JMJD1C: variants seen among roughly 807,000 people sequenced by gnomAD.
JMJD1C encodes the protein jumonji domain containing 1C.
Under a neutral mutation model 245.3 loss-of-function variants are expected in JMJD1C, and 31 were observed. The observed-to-expected ratio is 0.13, with a 90% CI of 0.09 to 0.17. JMJD1C has a LOEUF of 0.17. JMJD1C is among the 10% of genes least tolerant of loss of function. The pLI is 1.00. For synonymous variants in JMJD1C, 1,057 were observed against 1,017.4 expected, an observed-to-expected ratio of 1.04 and a Z score of -0.74; for missense variants, 2,691 against 3,000.2, an observed-to-expected ratio of 0.90 and a Z score of 2.41.
intron 5 of JMJD1C, among the ~76,000 whole-genome samples, chr10:63,216,233 C>T (rs1413548272): frequency 2.0e-5 from 3 of 152,160 alleles, no homozygotes; most frequent in African/African-American, 4.8e-5. Flanking sequence ...ATTTTAACTA[C>T]ATTTTAACCA....
intron 1 of JMJD1C, among the ~76,000 whole-genome samples, chr10:63,491,853 A>T (rs774891029): frequency 6.6e-6 from 1 of 152,192 alleles, no homozygotes; most frequent in Admixed American, 6.5e-5. Context: ...CTACTACAAC[A>T]CTTCTAGTGG....
In JMJD1C at chr10:63,215,129, T is replaced by C; in HGVS notation, c.1038A>G (p.Lys346=). Residue 346 remains lysine, a synonymous_variant, in exon 8 of 26, where the codon AAA becomes AAG. Transcript: ENST00000399262. The part of the protein sequence containing the change: ...SRGENPKGKN[K]HLMNKRRKPE... ...GTTTCCTTCTTTTATTCATCAAGTGTTTGTTTTTACCTTTAGGATTTTCTG... is the reference window on the plus strand; with the variant it reads ...GTTTCCTTCTTTTATTCATCAAGTGCTTGTTTTTACCTTTAGGATTTTCTG... 6.4e-7 allele frequency: 1 copy of C among 1,566,310 alleles called. No homozygotes were observed. The highest frequency in any genetic ancestry group is 8.6e-7 in the Non-Finnish European group (1 of 1,161,216).
chr10:63,185,424 G>A (rs1448193772), intron 20 of JMJD1C, 139 bp downstream of exon 20: 8 of 663,500 alleles, frequency 1.2e-5, no homozygotes, highest in Admixed American at 3.0e-5. Flanking sequence ...GAGCCACTAT[G>A]ACGCTCAGCC....
chr10:63,409,865 G>A (rs764043680), intron 1 of JMJD1C, among the ~76,000 whole-genome samples: 1 of 152,160 alleles, frequency 6.6e-6, no homozygotes, highest in Admixed American at 6.5e-5. Context: ...CTACTCACTT[G>A]AAAGAGTGTG....
intron 1 of JMJD1C, among the ~76,000 whole-genome samples, chr10:63,446,487 T>A (rs538412821): frequency 1.3e-5 from 2 of 152,212 alleles, no homozygotes; most frequent in African/African-American, 4.8e-5. Context: ...AGCATATAGA[T>A]GGTATTAAAG....
chr10:63,415,489 T>C (rs1949747246), intron 1 of JMJD1C, among the ~76,000 whole-genome samples: 1 of 152,202 alleles, frequency 6.6e-6, no homozygotes, highest in Non-Finnish European at 1.5e-5. Context: ...TCATGTGGAT[T>C]CAGCAAAACT....
At chr10:63,222,766 T>C (rs983624575) in intron 3 of JMJD1C, 20 of 1,494,030 alleles carry the variant, frequency 1.3e-5, no homozygotes, top group Non-Finnish European at 1.8e-5. Context: ...AAACTGAAAC[T>C]AATTTGGAAG....
At chr10:63,354,832 T>C (rs900145687) in intron 2 of JMJD1C, among the ~76,000 whole-genome samples, 12 of 137,132 alleles carry the variant, frequency 8.8e-5, no homozygotes, top group Admixed American at 3.3e-4. Context: ...ATGGGCAACA[T>C]GGTGAGATCC....
chr10:63,390,370 G>A (rs976013224), intron 1 of JMJD1C, among the ~76,000 whole-genome samples: 1 of 152,024 alleles, frequency 6.6e-6, no homozygotes, highest in Non-Finnish European at 1.5e-5. Flanking sequence ...CAAGTAATGA[G>A]GTAAAATTAG....
chr10:63,196,151 C>T (rs760240639), intron 13 of JMJD1C, among the ~76,000 whole-genome samples: 10 of 147,442 alleles, frequency 6.8e-5, no homozygotes, highest in Admixed American at 1.4e-4. Flanking sequence ...CCCAGCTACT[C>T]GGGAGGCTGA....
At chr10:63,185,487 G>A (rs1034099874) in intron 20 of JMJD1C, 76 bp downstream of exon 20, 10 of 832,846 alleles carry the variant, frequency 1.2e-5, no homozygotes, top group Admixed American at 6.2e-5. Flanking sequence ...TCACATTTAC[G>A]GTTACTTATC....
At chr10:63,328,001 G>C (rs901781395) in intron 2 of JMJD1C, among the ~76,000 whole-genome samples, 4 of 152,020 alleles carry the variant, frequency 2.6e-5, no homozygotes, top group African/African-American at 4.8e-5. Context: ...AAGGCTAGGC[G>C]CAGTGGCTCA....
At chr10:63,284,018 C>CTT (rs546311723) in intron 2 of JMJD1C, among the ~76,000 whole-genome samples, 1 of 144,754 alleles carries the variant, frequency 6.9e-6, no homozygotes, top group Admixed American at 6.9e-5. Context: ...TTCTTTTCTT[C>CTT]TTTTTTTTTT....
chr10:63,515,210 C>G (rs1192897186), intron 1 of JMJD1C, among the ~76,000 whole-genome samples: 1 of 152,144 alleles, frequency 6.6e-6, no homozygotes, highest in African/African-American at 2.4e-5. Context: ...TTCCTTTTCT[C>G]CATGTGGAGG....
intron 1 of JMJD1C, among the ~76,000 whole-genome samples, chr10:63,403,204 C>T (rs140996814): frequency 6.6e-6 from 1 of 152,298 alleles, no homozygotes; most frequent in African/African-American, 2.4e-5. Context: ...ATAAGTCATC[C>T]TACCACTCAA....
chr10:63,328,790 T>C (rs996217455), intron 2 of JMJD1C, among the ~76,000 whole-genome samples: 1 of 152,238 alleles, frequency 6.6e-6, no homozygotes, highest in Non-Finnish European at 1.5e-5. Flanking sequence ...CAGTTTAATA[T>C]GTACTTTAAC....
At chr10:63,224,788 G>C (rs552870182) in intron 3 of JMJD1C, among the ~76,000 whole-genome samples, 1 of 152,106 alleles carries the variant, frequency 6.6e-6, no homozygotes, top group Non-Finnish European at 1.5e-5. Context: ...AATGGGCCGG[G>C]TGCGATGGCT....
intron 10 of JMJD1C, among the ~76,000 whole-genome samples, chr10:63,201,414 G>A (rs1276662698): frequency 6.6e-6 from 1 of 151,576 alleles, no homozygotes; most frequent in East Asian, 1.9e-4. Context: ...AAGTAAAAAG[G>A]ACAAAACTCT....
At chr10:63,386,240 G>C (rs74137720) in intron 1 of JMJD1C, among the ~76,000 whole-genome samples, 3,283 of 152,200 alleles carry the variant, frequency 0.022, 121 homozygotes, top group African/African-American at 0.073. Flanking sequence ...AAACTTCACA[G>C]ACCCCAGAAT....
Sources: gnomAD v4.1 joint callset for allele counts (sites outside exome capture counted in the v4.1 genomes callset) on GRCh38, gnomAD v4.1.1 for gene constraint, MANE v1.5 for transcripts, NCBI Gene and HGNC (gene_info 2026-07-23, HGNC 2026-07-21) for gene names.